Variants in RAPGEF5 observed in about 807,000 individuals in gnomAD.
The protein encoded by RAPGEF5 is Rap guanine nucleotide exchange factor 5.
Under a neutral mutation model 125.2 loss-of-function variants are expected in RAPGEF5, and 65 were observed. The observed-to-expected ratio is 0.52, with a 90% CI of 0.43 to 0.64. The LOEUF (loss-of-function observed/expected upper bound fraction) is 0.64. Among genes scored for constraint, RAPGEF5 ranks in the 30% least tolerant of loss-of-function variants. The pLI is 0.00. For missense variants in RAPGEF5, 958 were observed against 1,048.1 expected, an observed-to-expected ratio of 0.91 and a Z score of 1.19; for synonymous variants, 391 against 385.9, an observed-to-expected ratio of 1.01 and a Z score of -0.16.
intron 6 of RAPGEF5, among the ~76,000 whole-genome samples, chr7:22,275,899 C>T (rs1272038183): frequency 6.6e-6 from 1 of 152,168 alleles, no homozygotes; most frequent in African/African-American, 2.4e-5. Flanking sequence ...TTTCATGGTA[C>T]AAACAACAGA....
rs907946977 is a variant in RAPGEF5, at chr7:22,314,714, G to C, written c.389+656C>G. The C allele has an allele frequency of 5.3e-6, 4 of 751,682 alleles. No homozygotes were observed. In the Admixed American group the frequency reaches 2.5e-4, roughly 47 times the overall value. 46.6% of individuals were successfully genotyped at this position (751,682 alleles called of 1,614,324 possible). A position where few individuals can be genotyped will look rare whatever the true frequency, so the allele number is the denominator to read the frequency against. ...TCATAGTTTTGGTATCATTTGGTGT[G>C]GCTTAATATCTTTATCTGGCAAAAC... On this transcript the variant is annotated intron_variant, in intron 3 of 25. Coordinates refer to ENST00000665637, the MANE Select transcript of RAPGEF5 (RefSeq NM_012294.5).
chr7:22,234,913 T>C (rs1786151129), intron 7 of RAPGEF5, among the ~76,000 whole-genome samples: 1 of 152,184 alleles, frequency 6.6e-6, no homozygotes, highest in Admixed American at 6.5e-5. Context: ...CTCATGTCCT[T>C]TCTAAATGAT....
Position 22,157,759 on chromosome 7 carries a change from G to A in RAPGEF5, c.1557+96C>T, listed in dbSNP as rs1013646382. ...CCCCGCCTTGTCGTGTTCTGCTCGA[G>A]GCAGTATTCATTTTAATTATGAAAC... is the stretch of plus-strand genomic sequence containing the variant. On this transcript the variant is annotated intron_variant, in intron 15 of 25. Coordinates refer to ENST00000665637, the MANE Select transcript of RAPGEF5 (RefSeq NM_012294.5). The A allele has an allele frequency of 3.3e-5, 45 of 1,345,588 alleles. No individual in the cohort carries two copies. In the Admixed American group the frequency reaches 6.4e-4, roughly 19 times the overall value. 83.4% of individuals were successfully genotyped at this position (1,345,588 alleles called of 1,614,324 possible).
chr7:22,174,026 G>C (rs1243824620), intron 11 of RAPGEF5, among the ~76,000 whole-genome samples: 1 of 152,166 alleles, frequency 6.6e-6, no homozygotes, highest in African/African-American at 2.4e-5. Flanking sequence ...CTAGGCCTTA[G>C]TTAAGTCACC....
chr7:22,260,496 T>G (rs576096790), intron 7 of RAPGEF5, among the ~76,000 whole-genome samples: 3 of 137,520 alleles, frequency 2.2e-5, no homozygotes, highest in African/African-American at 8.2e-5. Context: ...AGAAAAAGAC[T>G]GAGGAACCAT....
chr7:22,186,840 C>T (rs1278787700), intron 11 of RAPGEF5, among the ~76,000 whole-genome samples: 1 of 152,154 alleles, frequency 6.6e-6, no homozygotes, highest in Non-Finnish European at 1.5e-5. Flanking sequence ...CTGCTTTTCT[C>T]CTGCAACACT....
Position 22,333,155 on chromosome 7 carries a change from G to A in RAPGEF5, c.232-15118C>T, listed in dbSNP as rs187316587. On this transcript the variant is annotated intron_variant, in intron 1 of 25. Transcript: ENST00000665637. ...TATAATTCTCATGTTAAACTGTCAC[G>A]AAAAAAACTTTTTAAAAGTTCCTTT... Among the ~76,000 whole-genome samples, 26 of 152,072 alleles carry A rather than the reference G, an allele frequency of 1.7e-4. No homozygotes were observed. The East Asian group carries it at 4.1e-3, about 24-fold the overall frequency.
At chr7:22,232,261 G>A (rs1018215264) in intron 7 of RAPGEF5, among the ~76,000 whole-genome samples, 2 of 151,522 alleles carry the variant, frequency 1.3e-5, no homozygotes, top group Non-Finnish European at 2.9e-5. Context: ...CAACCTAGCT[G>A]ACAGTGAGGT....
intron 8 of RAPGEF5, among the ~76,000 whole-genome samples, chr7:22,221,318 G>A (rs1785783613): frequency 6.6e-6 from 1 of 152,126 alleles, no homozygotes; most frequent in South Asian, 2.1e-4. Context: ...TATCACACTA[G>A]ACAAAACTGA....
At chr7:22,163,882 G>A (rs977989345) in intron 12 of RAPGEF5, among the ~76,000 whole-genome samples, 1 of 152,122 alleles carries the variant, frequency 6.6e-6, no homozygotes, top group Non-Finnish European at 1.5e-5. Context: ...TTCAGGCTTT[G>A]CTAATATTTT....
At chr7:22,292,993 C>T (rs893951031) in intron 5 of RAPGEF5, among the ~76,000 whole-genome samples, 4 of 152,174 alleles carry the variant, frequency 2.6e-5, no homozygotes, top group Non-Finnish European at 4.4e-5. Context: ...CAATTTAGTC[C>T]CTGTTTGGAA....
At chr7:22,237,661 G>A (rs1377099356) in intron 7 of RAPGEF5, among the ~76,000 whole-genome samples, 2 of 152,064 alleles carry the variant, frequency 1.3e-5, no homozygotes, top group African/African-American at 4.8e-5. Flanking sequence ...ATGGATTTGA[G>A]ACTGAGCTCC....
intron 9 of RAPGEF5, among the ~76,000 whole-genome samples, chr7:22,207,199 T>C (rs1282070033): frequency 6.6e-6 from 1 of 152,268 alleles, no homozygotes; most frequent in African/African-American, 2.4e-5. Context: ...TAATTTCATA[T>C]ATTGCTGATT....
intron 9 of RAPGEF5, among the ~76,000 whole-genome samples, chr7:22,212,163 CAG>C (rs982954150): frequency 6.6e-5 from 10 of 152,064 alleles, no homozygotes; most frequent in East Asian, 1.9e-4. Context: ...TTAGTACAGA[CAG>C]AGTTTCACCG....
chr7:22,283,364 A>T (rs2128145297), intron 6 of RAPGEF5, among the ~76,000 whole-genome samples: 1 of 152,330 alleles, frequency 6.6e-6, no homozygotes, highest in African/African-American at 2.4e-5. Context: ...AACAGAAACT[A>T]ATTTAAAATT....
intron 24 of RAPGEF5, 38 bp downstream of exon 24, chr7:22,130,999 T>C: frequency 6.5e-7 from 1 of 1,535,758 alleles, no homozygotes; most frequent in Non-Finnish European, 8.8e-7. Context: ...TACATTTCTG[T>C]TACTGTAAAA....
At chr7:22,219,421 T>C (rs12537362) in intron 9 of RAPGEF5, among the ~76,000 whole-genome samples, 1 of 151,056 alleles carries the variant, frequency 6.6e-6, no homozygotes, top group Admixed American at 6.7e-5. Context: ...AATCTCTTTT[T>C]GTGTTTTCAT....
At chr7:22,226,811 T>C (rs952881091) in intron 8 of RAPGEF5, among the ~76,000 whole-genome samples, 1 of 152,192 alleles carries the variant, frequency 6.6e-6, no homozygotes, top group Non-Finnish European at 1.5e-5. Context: ...GAATTCCTTG[T>C]GTTAAAACAT....
At chr7:22,125,950 C>A (rs1782731098) in intron 24 of RAPGEF5, among the ~76,000 whole-genome samples, 1 of 152,114 alleles carries the variant, frequency 6.6e-6, no homozygotes, top group African/African-American at 2.4e-5. Flanking sequence ...GAGTTTGAGA[C>A]CAGCCTGGCC....
Sources: gnomAD v4.1 joint callset for allele counts (sites outside exome capture counted in the v4.1 genomes callset) on GRCh38, gnomAD v4.1.1 for gene constraint, MANE v1.5 for transcripts, NCBI Gene and HGNC (gene_info 2026-07-23, HGNC 2026-07-21) for gene names.